The following DRAM1 variants were observed in gnomAD, a reference collection of about 807,000 sequenced individuals.
DRAM1 encodes the protein DNA damage-regulated autophagy modulator protein 1.
Under a neutral mutation model 28.5 loss-of-function variants are expected in DRAM1, and 25 were observed. The observed-to-expected ratio is 0.88, with a 90% CI of 0.64 to 1.23. The LOEUF is 1.23. DRAM1 is among the 50% of genes most tolerant of loss of function. The probability of loss-of-function intolerance (pLI) is 0.00; values close to 1 mark genes in which losing one functional copy is unlikely to be tolerated. For synonymous variants in DRAM1, 113 were observed against 114.2 expected, an observed-to-expected ratio of 0.99 and a Z score of 0.07; for missense variants, 249 against 299.2, an observed-to-expected ratio of 0.83 and a Z score of 1.24.
At chr12:101,879,716 C>T (rs1196255492) in intron 1 of DRAM1, among the ~76,000 whole-genome samples, 1 of 151,118 alleles carries the variant, frequency 6.6e-6, no homozygotes, top group Non-Finnish European at 1.5e-5. Context: ...ACCTGCTCAG[C>T]TGGGCACAGT....
At chr12:101,886,235 G>A (rs1465638341) in intron 1 of DRAM1, among the ~76,000 whole-genome samples, 2 of 152,290 alleles carry the variant, frequency 1.3e-5, no homozygotes, top group Non-Finnish European at 2.9e-5. Context: ...AGGGAACATA[G>A]CATGATTAAG....
At chr12:101,891,315 A>T (rs1282183905) in intron 1 of DRAM1, among the ~76,000 whole-genome samples, 1 of 152,204 alleles carries the variant, frequency 6.6e-6, no homozygotes, top group Non-Finnish European at 1.5e-5. Flanking sequence ...CAGGCTGGAG[A>T]CACACATGAT....
Position 101,895,186 on chromosome 12 carries a change from G to GTTTTT in DRAM1, c.132-2651_132-2647dup, listed in dbSNP as rs574722379. On this transcript the variant is annotated intron_variant, in intron 1 of 6. Coordinates refer to ENST00000258534, the MANE Select transcript of DRAM1 (RefSeq NM_018370.3). ...TAATGCTAAATTCGAAACCCTTCAG[G>GTTTTT]TTTTTTTTTTTTTTTTTTTTTTTTT... 2.8e-3 allele frequency among the ~76,000 whole-genome samples: 213 copies of GTTTTT among 75,684 alleles called. 21 individuals are homozygous for GTTTTT. Among genetic ancestry groups the GTTTTT allele is most frequent in the African/African-American group, 0.01 (185 of 18,036 alleles). The allele number at this position is 75,684 out of a possible 152,430, so 49.7% of individuals were successfully genotyped here. A position where few individuals can be genotyped will look rare whatever the true frequency, so the allele number is the denominator to read the frequency against.
intron 1 of DRAM1, among the ~76,000 whole-genome samples, chr12:101,879,511 G>T (rs998876812): frequency 1.4e-4 from 22 of 152,114 alleles, no homozygotes; most frequent in African/African-American, 5.3e-4. Context: ...AAACTCCTGG[G>T]CTCAAGCATT....
chr12:101,881,683 G>A (rs944452462), intron 1 of DRAM1, among the ~76,000 whole-genome samples: 5 of 152,160 alleles, frequency 3.3e-5, no homozygotes, highest in African/African-American at 1.2e-4. Context: ...TTGTTCAAAC[G>A]TTACCTTCCT....
At chr12:101,881,115 C>A (rs1180784224) in intron 1 of DRAM1, among the ~76,000 whole-genome samples, 1 of 152,118 alleles carries the variant, frequency 6.6e-6, no homozygotes, top group African/African-American at 2.4e-5. Context: ...GCAGTCTCTA[C>A]TAAAAATATA....
chr12:101,905,200 G>A (rs552248169), intron 3 of DRAM1, among the ~76,000 whole-genome samples: 3 of 152,202 alleles, frequency 2.0e-5, no homozygotes, highest in Non-Finnish European at 2.9e-5. Flanking sequence ...ATACCCTGTC[G>A]TATTTTATTT....
intron 4 of DRAM1, among the ~76,000 whole-genome samples, chr12:101,909,116 T>G (rs1191806398): frequency 6.6e-6 from 1 of 151,666 alleles, no homozygotes; most frequent in Non-Finnish European, 1.5e-5. Flanking sequence ...ACAAAATTAG[T>G]CAGGCATAGT....
chr12:101,901,349 T>G lies in DRAM1; in HGVS notation c.258T>G (p.Tyr86Ter). 1 of 1,614,216 alleles carries G rather than the reference T, an allele frequency of 6.2e-7. No homozygotes were observed. Among genetic ancestry groups the G allele is most frequent in the South Asian group, 1.1e-5 (1 of 91,088 alleles). The change falls in exon 3 of 7, where the codon TAT (tyrosine) becomes TAG (stop). Residue 86 changes from tyrosine to a stop codon, truncating the protein, a stop_gained. Transcript: ENST00000258534. LOFTEE classifies it high-confidence loss of function. ...KIVQKQNQTC[Y>*]FSTPVFNLVS... is the part of the protein sequence containing the mutation. The stretch of plus-strand genomic sequence containing the variant: ...TACAGAAGCAAAATCAAACCTGCTA[T>G]TTCAGCACTCCTGTTTTTAACTTGG...
chr12:101,901,603 G>A, intron 3 of DRAM1, 170 bp downstream of exon 3: 1 of 745,180 alleles, frequency 1.3e-6, no homozygotes, highest in Non-Finnish European at 2.1e-6. Context: ...TTGGAAATCA[G>A]GGCCAGGTGT....
chr12:101,888,945 C>T (rs1872993864), intron 1 of DRAM1, among the ~76,000 whole-genome samples: 2 of 151,812 alleles, frequency 1.3e-5, no homozygotes, highest in Admixed American at 1.3e-4. Context: ...GCTAGGACTA[C>T]AGGAACATGT....
intron 1 of DRAM1, among the ~76,000 whole-genome samples, chr12:101,884,200 C>G (rs376715064): frequency 7.2e-5 from 11 of 151,744 alleles, no homozygotes; most frequent in African/African-American, 2.2e-4. Context: ...CAGCCATGGG[C>G]AATATGGTGC....
At chr12:101,894,161 A>G (rs1365199644) in intron 1 of DRAM1, among the ~76,000 whole-genome samples, 1 of 152,072 alleles carries the variant, frequency 6.6e-6, no homozygotes, top group African/African-American at 2.4e-5. Flanking sequence ...GCTATTGCCT[A>G]GGCTGGAGTG....
chr12:101,880,731 A>C (rs1872661767), intron 1 of DRAM1, among the ~76,000 whole-genome samples: 1 of 152,204 alleles, frequency 6.6e-6, no homozygotes, highest in African/African-American at 2.4e-5. Context: ...AGTTGTGATT[A>C]ATATCACTCT....
chr12:101,891,281 A>T (rs575130423), intron 1 of DRAM1, among the ~76,000 whole-genome samples: 1 of 152,306 alleles, frequency 6.6e-6, no homozygotes, highest in African/African-American at 2.4e-5. Flanking sequence ...TTAGTGTATG[A>T]GTTTGGAACA....
At chr12:101,901,180 TG>T in intron 2 of DRAM1, 110 bp from the exon 3 acceptor site, 1 of 1,202,978 alleles carries the variant, frequency 8.3e-7, no homozygotes, top group Non-Finnish European at 1.1e-6. Flanking sequence ...GGTGGGAAAG[TG>T]GGGAGACTTG....
At chr12:101,880,587 C>G (rs1037828933) in intron 1 of DRAM1, among the ~76,000 whole-genome samples, 1 of 152,166 alleles carries the variant, frequency 6.6e-6, no homozygotes, top group Admixed American at 6.5e-5. Context: ...CCACACCCAG[C>G]CTGCAGTGCT....
chr12:101,893,269 C>T (rs1873209267), intron 1 of DRAM1, among the ~76,000 whole-genome samples: 1 of 152,194 alleles, frequency 6.6e-6, no homozygotes, highest in Non-Finnish European at 1.5e-5. Flanking sequence ...GCCTCTCTTC[C>T]AACTCCACGT....
At chr12:101,920,709 C>T (rs564489225) in intron 6 of DRAM1, among the ~76,000 whole-genome samples, 7 of 152,042 alleles carry the variant, frequency 4.6e-5, no homozygotes, top group African/African-American at 7.2e-5. Flanking sequence ...GTCAGGAGTT[C>T]GAGACCAGCC....
Sources: allele counts gnomAD v4.1 joint callset (sites outside exome capture counted in the v4.1 genomes callset), GRCh38; gene constraint gnomAD v4.1.1; transcripts MANE v1.5; gene names NCBI Gene and HGNC (gene_info 2026-07-23, HGNC 2026-07-21).